CFAP77: variants seen among roughly 807,000 people sequenced by gnomAD.
CFAP77 encodes cilia and flagella associated protein 77.
In CFAP77, 25 loss-of-function variants were observed where a neutral mutation model predicts 31.1. The observed-to-expected ratio is 0.80, with a 90% CI of 0.59 to 1.12. The LOEUF (loss-of-function observed/expected upper bound fraction) is 1.12. Among genes scored for constraint, CFAP77 ranks in the 50% most tolerant of loss-of-function variants. The probability of loss-of-function intolerance (pLI) is 0.00; values close to 1 mark genes in which losing one functional copy is unlikely to be tolerated. For synonymous variants in CFAP77, 151 were observed against 159.9 expected (o/e 0.94, Z 0.42); for missense variants, 377 against 397.3 (o/e 0.95, Z 0.44).
At chr9:132,414,499 T>TCACACACACA (rs34016277) in intron 1 of CFAP77, among the ~76,000 whole-genome samples, 17 of 143,790 alleles carry the variant, frequency 1.2e-4, no homozygotes, top group African/African-American at 3.1e-4. Flanking sequence ...TAGCTCTTAT[T>TCACACACACA]CACACACACA....
chr9:132,477,479 C>G (rs927545287), intron 1 of CFAP77, among the ~76,000 whole-genome samples: 1 of 152,142 alleles, frequency 6.6e-6, no homozygotes, highest in Non-Finnish European at 1.5e-5. Flanking sequence ...ATTGGTGCTA[C>G]AAAGAAACAC....
chr9:132,557,970 C>T (rs1852930189), intron 5 of CFAP77, among the ~76,000 whole-genome samples: 1 of 152,204 alleles, frequency 6.6e-6, no homozygotes, highest in Admixed American at 6.5e-5. Context: ...AAACCTGGCA[C>T]TCCACCTCCC....
Position 132,511,852 on chromosome 9 carries a change from G to C in CFAP77, c.524+12252G>C, listed in dbSNP as rs1261908825. Among the ~76,000 whole-genome samples the C allele has an allele frequency of 6.6e-6, 1 of 152,106 alleles. No individual in the cohort carries two copies. Among genetic ancestry groups the C allele is most frequent in the Non-Finnish European group, 1.5e-5 (1 of 68,008 alleles). The stretch of plus-strand genomic sequence containing the variant: ...GGGCGGATCACGAGGTCAGGAGTTC[G>C]ACACCAGCCTGACCAATATGGTGAA... On this transcript the variant is annotated intron_variant, in intron 3 of 5. Transcript: ENST00000393216. The surrounding 1 kb of genome is among the most constrained non-coding windows in gnomAD (Gnocchi z 5.8).
At chr9:132,526,046 C>T (rs942354181) in intron 3 of CFAP77, among the ~76,000 whole-genome samples, 7 of 151,932 alleles carry the variant, frequency 4.6e-5, no homozygotes, top group African/African-American at 9.7e-5. Context: ...CAGCTAAAGC[C>T]GCTATGTATT....
chr9:132,561,039 AC>A (rs1181695423), intron 5 of CFAP77, among the ~76,000 whole-genome samples: 1 of 152,050 alleles, frequency 6.6e-6, no homozygotes. Context: ...AGAGACTGTT[AC>A]CCTTGTTAAT....
At chr9:132,518,014 G>A (rs185623800) in intron 3 of CFAP77, among the ~76,000 whole-genome samples, 4 of 152,248 alleles carry the variant, frequency 2.6e-5, no homozygotes, top group East Asian at 1.9e-4. Context: ...GGGCGCGTCC[G>A]GTGGTGAGAA....
chr9:132,518,852 ATTGGCCC>A (rs1852195591), intron 3 of CFAP77, among the ~76,000 whole-genome samples: 1 of 152,208 alleles, frequency 6.6e-6, no homozygotes, highest in South Asian at 2.1e-4. Flanking sequence ...CTACACTGGC[ATTGGCCC>A]TTGGCACTGC....
At chr9:132,453,181 G>A (rs1850855965) in intron 1 of CFAP77, among the ~76,000 whole-genome samples, 1 of 152,150 alleles carries the variant, frequency 6.6e-6, no homozygotes, top group Non-Finnish European at 1.5e-5. Context: ...AAGGAGGGGA[G>A]TAACAGTGAT....
chr9:132,459,019 G>C (rs1167942758), intron 1 of CFAP77, among the ~76,000 whole-genome samples: 1 of 152,074 alleles, frequency 6.6e-6, no homozygotes, highest in African/African-American at 2.4e-5. Flanking sequence ...AGATAGTCTG[G>C]GTAAATTGTG....
chr9:132,422,916 G>A (rs772911057), intron 1 of CFAP77, among the ~76,000 whole-genome samples: 7 of 152,210 alleles, frequency 4.6e-5, no homozygotes, highest in African/African-American at 9.6e-5. Context: ...ATGGCAGGAC[G>A]TGTCCTTCCA....
chr9:132,420,160 A>C (rs1589839263), intron 1 of CFAP77, among the ~76,000 whole-genome samples: 1 of 1,158 alleles, frequency 8.6e-4, no homozygotes, highest in African/African-American at 1.1e-3. Flanking sequence ...GACCTTGACC[A>C]AAAAAAAAAA....
At chr9:132,463,308 T>C (rs971321197) in intron 1 of CFAP77, among the ~76,000 whole-genome samples, 1 of 152,170 alleles carries the variant, frequency 6.6e-6, no homozygotes, top group African/African-American at 2.4e-5. Flanking sequence ...AACATGTTCT[T>C]GCGGTGTGGT....
intron 3 of CFAP77, among the ~76,000 whole-genome samples, chr9:132,509,852 C>T (rs1182410255): frequency 6.6e-6 from 1 of 152,100 alleles, no homozygotes; most frequent in Non-Finnish European, 1.5e-5. Flanking sequence ...TCTTTTCCCC[C>T]TTCCACTCCC....
chr9:132,459,096 G>C (rs1224187870), intron 1 of CFAP77, among the ~76,000 whole-genome samples: 1 of 146,312 alleles, frequency 6.8e-6, no homozygotes, highest in East Asian at 2.0e-4. Flanking sequence ...TTTTGAGACA[G>C]AGTCTCGCTC....
chr9:132,512,811 G>T (rs1233286286), intron 3 of CFAP77, among the ~76,000 whole-genome samples: 1 of 152,204 alleles, frequency 6.6e-6, no homozygotes, highest in African/African-American at 2.4e-5. Flanking sequence ...GCCAAGCGTG[G>T]TGGCAGGTGC....
At chr9:132,487,093 C>G (rs1851575163) in intron 1 of CFAP77, among the ~76,000 whole-genome samples, 1 of 152,246 alleles carries the variant, frequency 6.6e-6, no homozygotes, top group Non-Finnish European at 1.5e-5. Flanking sequence ...CCTTTGGACC[C>G]GAGCTGGGAG....
chr9:132,446,743 C>CAA lies in CFAP77; in HGVS notation c.195+36299_195+36300dup, dbSNP rs1184310514. Among the ~76,000 whole-genome samples the CAA allele has an allele frequency of 2.6e-3, 171 of 65,502 alleles. 2 individuals carry two copies. Among genetic ancestry groups the CAA allele is most frequent in the African/African-American group, 4.7e-3 (86 of 18,284 alleles). 43.0% of individuals were successfully genotyped at this position (65,502 alleles called of 152,430 possible). ...GCGACAGAGCAAAACTCCTCCGTCT[C>CAA]AAAAAAAAAAAAAAAAAAAAAAAGA... is the stretch of plus-strand genomic sequence containing the variant. On this transcript the variant is annotated intron_variant, in intron 1 of 5. Transcript: ENST00000393216.
At chr9:132,482,423 T>C in intron 1 of CFAP77, 1 of 1,606,500 alleles carries the variant, frequency 6.2e-7, no homozygotes, top group East Asian at 2.2e-5. Context: ...CACAGGTGTT[T>C]CTTCCTTCTG....
chr9:132,473,315 T>C (rs1851291507), intron 1 of CFAP77, among the ~76,000 whole-genome samples: 1 of 152,158 alleles, frequency 6.6e-6, no homozygotes, highest in African/African-American at 2.4e-5. Flanking sequence ...AAGTGGGCAC[T>C]GTGGTATGGG....
Sources: allele counts gnomAD v4.1 joint callset (sites outside exome capture counted in the v4.1 genomes callset), GRCh38; gene constraint gnomAD v4.1.1; non-coding constraint Gnocchi (gnomAD v3.1); transcripts MANE v1.5; gene names NCBI Gene and HGNC (gene_info 2026-07-23, HGNC 2026-07-21).